The following NSD3 variants were observed in gnomAD, a reference collection of about 807,000 sequenced individuals.
NSD3 encodes the protein nuclear receptor binding SET domain protein 3, also known as histone-lysine N-methyltransferase NSD3.
NSD3 carries 24 observed loss-of-function variants against 160.8 expected under a neutral mutation model. The observed-to-expected ratio is 0.15, with a 90% CI of 0.11 to 0.21. The LOEUF is 0.21. Among genes scored for constraint, NSD3 ranks in the 10% least tolerant of loss-of-function variants. NSD3 has a pLI of 1.00. For missense variants in NSD3, 1,157 were observed against 1,735.9 expected (o/e 0.67, Z 5.93); for synonymous variants, 520 against 600.0 (o/e 0.87, Z 1.95).
intron 13 of NSD3, 45 bp downstream of exon 13, chr8:38,305,203 T>C (rs771383070): frequency 4.3e-5 from 68 of 1,593,830 alleles, no homozygotes; most frequent in Non-Finnish European, 5.7e-5. Flanking sequence ...TATTTGCCAC[T>C]GCCCTTAAAA....
chr8:38,349,612 T>G (rs1362331381), intron 1 of NSD3, among the ~76,000 whole-genome samples: 2 of 149,638 alleles, frequency 1.3e-5, no homozygotes. Context: ...CAATAGTGTG[T>G]GCTTCTCTAT....
chr8:38,342,098 C>T (rs919641710), intron 2 of NSD3, among the ~76,000 whole-genome samples: 4 of 152,064 alleles, frequency 2.6e-5, no homozygotes, highest in African/African-American at 7.2e-5. Context: ...AAGTTTTTTA[C>T]ACAGTCATTT....
At chr8:38,349,665 TTATATATATA>T (rs71519992) in intron 1 of NSD3, among the ~76,000 whole-genome samples, 6 of 109,810 alleles carry the variant, frequency 5.5e-5, no homozygotes, top group African/African-American at 2.1e-4. Context: ...ATTTCTTTCT[TTATATATATA>T]TATATATATA....
chr8:38,370,790 T>A (rs1041935447), intron 1 of NSD3, among the ~76,000 whole-genome samples: 3 of 152,110 alleles, frequency 2.0e-5, no homozygotes, highest in African/African-American at 7.2e-5. Flanking sequence ...ATGGATAAAT[T>A]TTGGGTATGT....
chr8:38,347,767 A>G lies in NSD3; in HGVS notation c.405T>C (p.Pro135=). ...LEKPSPPQPP[P]PPSVPQTVIP... is the part of the protein sequence containing the mutation. ...TCACAGTTTGTGGTACCGAAGGAGG[A>G]GGTGGTGGCTGTGGAGGGGAAGGTT... Residue 135 remains proline, a synonymous_variant, in exon 2 of 24, where the codon CCT becomes CCC. Transcript: ENST00000317025. The G allele has an allele frequency of 6.2e-7, 1 of 1,613,120 alleles. No homozygotes were observed. The highest frequency in any genetic ancestry group is 8.5e-7 in the Non-Finnish European group (1 of 1,180,016).
chr8:38,290,604 C>A lies in NSD3; in HGVS notation c.2989G>T (p.Asp997Tyr), dbSNP rs1255225144. The change falls in exon 17 of 24, where the codon GAC becomes TAC. Residue 997 changes from aspartate to tyrosine, a missense_variant. By Grantham distance (160) the Asp-to-Tyr change is radical. Transcript: ENST00000317025. ...GAACCAAAGAAGAATACAGGGAAGT[C>A]CCCCAAGTCATGTTTAAGGCCCTGG... The part of the protein sequence containing the change: ...NIQGLKHDLG[D>Y]FPVFFFGSHD... 20 of 1,613,922 alleles carry A rather than the reference C, an allele frequency of 1.2e-5. No homozygotes were observed. The highest frequency in any genetic ancestry group is 8.3e-5 in the Admixed American group (5 of 59,990).
rs1042696043 is a variant in NSD3, at chr8:38,316,197, C to T, written c.1856-155G>A. On this transcript the variant is annotated intron_variant, in intron 9 of 23. Transcript: ENST00000317025. The surrounding 1 kb of genome is among the most constrained non-coding windows in gnomAD (Gnocchi z 4.5). The stretch of plus-strand genomic sequence containing the variant: ...ACACTGAAATAATGAGTCAAAACTT[C>T]AGAACTTCTGACCTTCCTGGTAGTG... Among the ~76,000 whole-genome samples the T allele has an allele frequency of 6.6e-6, 1 of 152,172 alleles. No homozygotes were observed. The highest frequency in any genetic ancestry group is 1.5e-5 in the Non-Finnish European group (1 of 68,036).
chr8:38,286,304 AAC>A (rs374884732), intron 19 of NSD3, among the ~76,000 whole-genome samples: 14 of 151,294 alleles, frequency 9.3e-5, no homozygotes, highest in Admixed American at 6.6e-5. Context: ...ATAACAAACA[AAC>A]ACACACACAC....
intron 17 of NSD3, 81 bp from the exon 18 acceptor site, chr8:38,289,586 C>A: frequency 7.9e-7 from 1 of 1,268,748 alleles, no homozygotes; most frequent in Non-Finnish European, 1.1e-6. Context: ...CGCTGCCTTC[C>A]CAATGCTTTG....
intron 21 of NSD3, among the ~76,000 whole-genome samples, chr8:38,278,737 T>C (rs763777170): frequency 3.0e-4 from 46 of 152,238 alleles, no homozygotes; most frequent in Non-Finnish European, 5.9e-4. Flanking sequence ...TTCTTTTCTA[T>C]AGCTAACTCA....
intron 1 of NSD3, among the ~76,000 whole-genome samples, chr8:38,377,277 C>T (rs1464062092): frequency 6.6e-6 from 1 of 152,180 alleles, no homozygotes; most frequent in African/African-American, 2.4e-5. Context: ...TGGTCTCAAA[C>T]TCCTGACCTC....
In NSD3 at chr8:38,321,128, A is replaced by G; in HGVS notation, c.1753T>C (p.Ser585Pro). The G allele has an allele frequency of 6.2e-7, 1 of 1,613,356 alleles. No homozygotes were observed. The highest frequency in any genetic ancestry group is 8.5e-7 in the Non-Finnish European group (1 of 1,179,864). The change falls in exon 8 of 24, where the codon TCT (serine) becomes CCT (proline). Residue 585 changes from serine to proline, a missense_variant. Around this residue, in one of 10 missense-constraint regions of NSD3, gnomAD observed 102 missense variants for 126.5 expected, o/e 0.81. Coordinates refer to ENST00000317025, the MANE Select transcript of NSD3 (RefSeq NM_023034.2). The surrounding 1 kb of genome is among the most constrained non-coding windows in gnomAD (Gnocchi z 4.7). ...ACCTCAGTGGATTTCTCTGATTCAG[A>G]ACGAGTTCTAATTGATCTTCTCTGT... ...KQQRRSIRTR[S>P]ESEKSTEVVP...
At position 38,296,833 on chromosome 8, in the gene NSD3, G is replaced by T. The variant is rs183157267; in HGVS notation, c.2759-881C>A. Among the ~76,000 whole-genome samples the T allele has an allele frequency of 1.7e-3, 265 of 151,876 alleles. 2 individuals carry two copies. Among genetic ancestry groups the T allele is most frequent in the African/African-American group, 6.0e-3 (250 of 41,406 alleles). ...CTCAAGCAATCCTCCTGCCTCAGCC[G>T]CCCAAACTGTTGGGATTACAGGCGT... On this transcript the variant is annotated intron_variant, in intron 15 of 23. Transcript: ENST00000317025.
At chr8:38,305,804 CTGAT>C (rs898434268) in intron 12 of NSD3, among the ~76,000 whole-genome samples, 1 of 152,162 alleles carries the variant, frequency 6.6e-6, no homozygotes, top group Non-Finnish European at 1.5e-5. Flanking sequence ...TAGATAATCA[CTGAT>C]TATTTCTATG....
intron 2 of NSD3, among the ~76,000 whole-genome samples, chr8:38,344,085 G>A (rs575318542): frequency 6.6e-6 from 1 of 152,274 alleles, no homozygotes; most frequent in Non-Finnish European, 1.5e-5. Flanking sequence ...TACAATTTCA[G>A]TAGTGATCTC....
At chr8:38,286,047 T>C (rs758216878) in intron 19 of NSD3, among the ~76,000 whole-genome samples, 5 of 152,186 alleles carry the variant, frequency 3.3e-5, no homozygotes, top group Non-Finnish European at 5.9e-5. Context: ...CTGGTGTTCA[T>C]GCCATTTTGT....
At chr8:38,292,818 A>G (rs1350506728) in intron 16 of NSD3, among the ~76,000 whole-genome samples, 1 of 151,388 alleles carries the variant, frequency 6.6e-6, no homozygotes, top group East Asian at 1.9e-4. Flanking sequence ...CAAAAAAAAC[A>G]AAGATTAGCC....
intron 1 of NSD3, among the ~76,000 whole-genome samples, chr8:38,368,329 A>G (rs1000458125): frequency 6.6e-6 from 1 of 152,178 alleles, no homozygotes; most frequent in African/African-American, 2.4e-5. Flanking sequence ...CACCTCAAAT[A>G]TTTTCTGAAA....
intron 1 of NSD3, among the ~76,000 whole-genome samples, chr8:38,364,710 T>C (rs144150552): frequency 6.6e-6 from 1 of 152,200 alleles, no homozygotes; most frequent in Non-Finnish European, 1.5e-5. Flanking sequence ...CATAAAAATA[T>C]ATAGGGAGAA....
Sources: allele counts gnomAD v4.1 joint callset (sites outside exome capture counted in the v4.1 genomes callset), GRCh38; gene constraint gnomAD v4.1.1; regional missense constraint gnomAD v4.1.1; non-coding constraint Gnocchi (gnomAD v3.1); transcripts MANE v1.5; gene names NCBI Gene and HGNC (gene_info 2026-07-23, HGNC 2026-07-21).